SLC35D4: variants seen among roughly 807,000 people sequenced by gnomAD.
SLC35D4 encodes the protein solute carrier family 35 member D4, also known as UDP-N-acetylglucosamine transporter SLC35D4.
At chr18:23,426,837 A>C in the SLC35D4 span, among the ~76,000 whole-genome samples, 1 of 152,228 alleles carries the variant, frequency 6.6e-6, no homozygotes, top group African/African-American at 2.4e-5. Flanking sequence ...CCAATGGAAC[A>C]GAACAGAGCC....
the SLC35D4 span, among the ~76,000 whole-genome samples, chr18:23,384,052 G>A: frequency 1.3e-5 from 2 of 148,544 alleles, no homozygotes; most frequent in South Asian, 4.3e-4. Flanking sequence ...GCTTTAGAAG[G>A]CTGAGGCAGG....
At chr18:23,420,703 TA>T in the SLC35D4 span, among the ~76,000 whole-genome samples, 39 of 151,542 alleles carry the variant, frequency 2.6e-4, no homozygotes, top group African/African-American at 8.0e-4. Context: ...AGAAATTTAC[TA>T]AAAAAAAATT....
chr18:23,265,601 T>C, the SLC35D4 span, among the ~76,000 whole-genome samples: 5 of 148,450 alleles, frequency 3.4e-5, no homozygotes, highest in South Asian at 1.1e-3. Context: ...TTGGCTACAA[T>C]GACCCTGGCC....
At chr18:23,329,980 C>T in the SLC35D4 span, among the ~76,000 whole-genome samples, 3 of 152,206 alleles carry the variant, frequency 2.0e-5, no homozygotes, top group East Asian at 1.9e-4. Context: ...TGTTTTCTCT[C>T]AGGTGGGAAC....
the SLC35D4 span, among the ~76,000 whole-genome samples, chr18:23,381,762 G>A: frequency 2.0e-5 from 3 of 152,282 alleles, no homozygotes; most frequent in Admixed American, 1.3e-4. Context: ...GAATGGAAGA[G>A]GTCCCCTGCT....
chr18:23,341,748 G>A, the SLC35D4 span, among the ~76,000 whole-genome samples: 1 of 152,160 alleles, frequency 6.6e-6, no homozygotes, highest in South Asian at 2.1e-4. Flanking sequence ...GAGAGAGAGA[G>A]GGGAGATTGC....
chr18:23,339,567 C>T, the SLC35D4 span, among the ~76,000 whole-genome samples: 1 of 152,196 alleles, frequency 6.6e-6, no homozygotes, highest in African/African-American at 2.4e-5. Flanking sequence ...AGTTCAGACT[C>T]CTTGCTTTAC....
chr18:23,368,134 C>A, the SLC35D4 span, among the ~76,000 whole-genome samples: 222 of 152,272 alleles, frequency 1.5e-3, no homozygotes, highest in Non-Finnish European at 2.7e-3. Flanking sequence ...ATGTAGAATT[C>A]TTGGGCTCCC....
the SLC35D4 span, among the ~76,000 whole-genome samples, chr18:23,403,355 G>A: frequency 1.3e-5 from 2 of 152,188 alleles, no homozygotes; most frequent in Non-Finnish European, 2.9e-5. Flanking sequence ...AAGGGAAACT[G>A]ACCTAATCAG....
the SLC35D4 span, among the ~76,000 whole-genome samples, chr18:23,287,738 GC>G: frequency 6.6e-6 from 1 of 152,156 alleles, no homozygotes; most frequent in Non-Finnish European, 1.5e-5. Context: ...TTTAGAGACT[GC>G]CCCCACCCTA....
At chr18:23,312,479 A>G in the SLC35D4 span, among the ~76,000 whole-genome samples, 2 of 152,068 alleles carry the variant, frequency 1.3e-5, no homozygotes, top group East Asian at 1.9e-4. Flanking sequence ...CAAAATTCTC[A>G]AGTTTTATCA....
chr18:23,380,778 CTG>C, the SLC35D4 span, among the ~76,000 whole-genome samples: 45 of 150,178 alleles, frequency 3.0e-4, no homozygotes, highest in Non-Finnish European at 3.7e-4. Flanking sequence ...TACAGTCAAA[CTG>C]TGTGTGTGTG....
the SLC35D4 span, among the ~76,000 whole-genome samples, chr18:23,279,084 C>A: frequency 6.6e-6 from 1 of 151,956 alleles, no homozygotes; most frequent in African/African-American, 2.4e-5. Context: ...GCTGATCTGG[C>A]AGTGCCTTTG....
the SLC35D4 span, among the ~76,000 whole-genome samples, chr18:23,302,550 C>T: frequency 2.6e-5 from 4 of 152,144 alleles, no homozygotes; most frequent in East Asian, 5.8e-4. Context: ...TTCAGATGGC[C>T]TACTTTGTGT....
chr18:23,314,320 A>G, the SLC35D4 span, among the ~76,000 whole-genome samples: 1 of 152,204 alleles, frequency 6.6e-6, no homozygotes, highest in African/African-American at 2.4e-5. Flanking sequence ...TGTTGCATCA[A>G]GCAATCCTTT....
At chr18:23,396,220 G>C in the SLC35D4 span, among the ~76,000 whole-genome samples, 4 of 152,140 alleles carry the variant, frequency 2.6e-5, no homozygotes, top group African/African-American at 9.7e-5. Context: ...AGAACTTCAA[G>C]GTCTTGTCAG....
the SLC35D4 span, among the ~76,000 whole-genome samples, chr18:23,374,699 G>A: frequency 2.0e-5 from 3 of 151,988 alleles, no homozygotes; most frequent in Admixed American, 6.6e-5. Context: ...TAGTCAGGCC[G>A]GTCTCGAACT....
At chr18:23,429,366 C>CT in the SLC35D4 span, among the ~76,000 whole-genome samples, 6 of 151,602 alleles carry the variant, frequency 4.0e-5, no homozygotes, top group Admixed American at 6.6e-5. Context: ...TATTTTTTGC[C>CT]TTTTTTTTAG....
the SLC35D4 span, chr18:23,365,620 C>T: frequency 6.2e-7 from 1 of 1,613,392 alleles, no homozygotes; most frequent in South Asian, 1.1e-5. Flanking sequence ...AAACAACACT[C>T]CGGGGGCATT....
Sources: allele counts gnomAD v4.1 joint callset (sites outside exome capture counted in the v4.1 genomes callset), GRCh38; gene constraint gnomAD v4.1.1; transcripts MANE v1.5; gene names NCBI Gene and HGNC (gene_info 2026-07-23, HGNC 2026-07-21).